The following VASN variants were observed in gnomAD, a reference collection of about 807,000 sequenced individuals.
VASN encodes vasorin.
VASN carries 5 observed loss-of-function variants against 4.8 expected under a neutral mutation model. That is an observed-to-expected ratio of 1.03 (90% CI 0.54 to 2.17). The LOEUF is 2.17. Ranked by LOEUF, VASN falls within the 30% of genes most tolerant of loss-of-function variation. VASN has a pLI of 0.01. For synonymous variants in VASN, 499 were observed against 460.8 expected (o/e 1.08, Z -1.06); for missense variants, 927 against 948.8 (o/e 0.98, Z 0.30).
At position 4,382,438 on chromosome 16, in the gene VASN, A is replaced by G. The variant is rs774906262; in HGVS notation, c.1561A>G (p.Thr521Ala). 2.5e-6 allele frequency: 4 copies of G among 1,610,230 alleles called. No individual in the cohort carries two copies. Among genetic ancestry groups the G allele is most frequent in the East Asian group, 2.2e-5 (1 of 44,808 alleles). ...ACTGCCTGCCTCGCTCGCTGAGTACACGGTCACCCAGCTGCGGCCCAACGC... is the reference window on the plus strand; with the variant it reads ...ACTGCCTGCCTCGCTCGCTGAGTACGCGGTCACCCAGCTGCGGCCCAACGC... Reference protein sequence around the residue: ...LRLPASLAEYTVTQLRPNATY... With the variant: ...LRLPASLAEYAVTQLRPNATY... Residue 521 changes from threonine (T) to alanine (A), a missense_variant, in exon 2 of 2, where the codon ACG becomes GCG. Thr to Ala is a moderately conservative substitution (Grantham distance 58, BLOSUM62 0). Coordinates refer to ENST00000304735, the MANE Select transcript of VASN (RefSeq NM_138440.3).
chr16:4,374,313 C>T (rs998000982), intron 1 of VASN, among the ~76,000 whole-genome samples: 5 of 152,032 alleles, frequency 3.3e-5, no homozygotes, highest in African/African-American at 1.2e-4. Context: ...GCTGGGCCGC[C>T]GGCCTCCCCC....
chr16:4,377,883 C>T (rs1338894963), intron 1 of VASN, among the ~76,000 whole-genome samples: 1 of 152,284 alleles, frequency 6.6e-6, no homozygotes, highest in East Asian at 1.9e-4. Flanking sequence ...AGCCCAGGAC[C>T]CCAGCCCACA....
rs974963282 is a variant in VASN at position 4,382,511 on chromosome 16, A to C, written c.1634A>C (p.Glu545Ala). The change falls in exon 2 of 2, where the codon GAG (glutamate) becomes GCG (alanine). Residue 545 changes from glutamate to alanine, a missense_variant. Physicochemically the swap from Glu to Ala is moderately radical, Grantham distance 107 (BLOSUM62 -1). Coordinates refer to ENST00000304735, the MANE Select transcript of VASN (RefSeq NM_138440.3). ...VMPLGPGRVPEGEEACGEAHT... is the reference protein window; with the variant it reads ...VMPLGPGRVPAGEEACGEAHT... ...CCTTTGGGGCCCGGGCGGGTGCCGG[A>C]GGGCGAGGAGGCCTGCGGGGAGGCC... is the stretch of plus-strand genomic sequence containing the variant. 4 of 1,591,366 alleles carry C rather than the reference A, an allele frequency of 2.5e-6. No homozygotes were observed. The highest frequency in any genetic ancestry group is 3.4e-6 in the Non-Finnish European group (4 of 1,169,118).
At position 4,381,387 on chromosome 16, in the gene VASN, C is replaced by T. The variant is rs1472699697; in HGVS notation, c.510C>T (p.Arg170=). The stretch of plus-strand genomic sequence containing the variant: ...CACTGCCCCCGCTGCGCCTGCCCCG[C>T]CTGCTGCTGCTGGACCTCAGCCACA... The part of the protein sequence containing the change: ...LRALPPLRLP[R]LLLLDLSHNS... The change falls in exon 2 of 2, where the codon CGC becomes CGT. Residue 170 remains arginine, a synonymous_variant. Coordinates refer to ENST00000304735, the MANE Select transcript of VASN (RefSeq NM_138440.3). The T allele has an allele frequency of 2.0e-5, 31 of 1,588,692 alleles. No individual in the cohort carries two copies. Among genetic ancestry groups the T allele is most frequent in the Non-Finnish European group, 2.5e-5 (29 of 1,169,796 alleles).
At chr16:4,378,879 G>A (rs758555524) in intron 1 of VASN, among the ~76,000 whole-genome samples, 3 of 152,056 alleles carry the variant, frequency 2.0e-5, no homozygotes, top group Non-Finnish European at 2.9e-5. Context: ...TCGCTAACTG[G>A]CTAGGGGCTC....
At chr16:4,372,721 G>T (rs2054580455) in intron 1 of VASN, among the ~76,000 whole-genome samples, 1 of 152,294 alleles carries the variant, frequency 6.6e-6, no homozygotes, top group South Asian at 2.1e-4. Context: ...GTGGTCACTG[G>T]CAGGCCAGCC....
intron 1 of VASN, among the ~76,000 whole-genome samples, chr16:4,375,894 G>A (rs1296646618): frequency 1.3e-5 from 2 of 152,320 alleles, no homozygotes; most frequent in East Asian, 1.9e-4. Context: ...AAGCCCTGGC[G>A]TCACAGGTGG....
chr16:4,378,938 C>T (rs1037964639), intron 1 of VASN, among the ~76,000 whole-genome samples: 9 of 152,070 alleles, frequency 5.9e-5, no homozygotes, highest in Admixed American at 2.6e-4. Context: ...CGATACTACA[C>T]GTGGGCAGGG....
Position 4,381,418 on chromosome 16 carries a change from C to G in VASN, c.541C>G (p.Leu181Val). ...GCTGCTGGACCTCAGCCACAACAGC[C>G]TCCTGGCCCTGGAGCCCGGCATCCT... ...LLLLDLSHNS[L>V]LALEPGILDT... is the part of the protein sequence containing the mutation. The change falls in exon 2 of 2, where the codon CTC becomes GTC. Residue 181 changes from leucine to valine, a missense_variant. Physicochemically the swap from Leu to Val is conservative, Grantham distance 32. Coordinates refer to ENST00000304735, the MANE Select transcript of VASN (RefSeq NM_138440.3). 6.3e-7 allele frequency: 1 copy of G among 1,583,696 alleles called. No individual in the cohort carries two copies. The highest frequency in any genetic ancestry group is 8.6e-7 in the Non-Finnish European group (1 of 1,167,024).
At chr16:4,379,456 C>G (rs892624601) in intron 1 of VASN, among the ~76,000 whole-genome samples, 2 of 152,032 alleles carry the variant, frequency 1.3e-5, no homozygotes, top group African/African-American at 2.4e-5. Flanking sequence ...AGCCCCCGCC[C>G]CCAGGGCCAT....
At chr16:4,380,597 G>C (rs1377283756) in intron 1 of VASN, among the ~76,000 whole-genome samples, 1 of 152,248 alleles carries the variant, frequency 6.6e-6, no homozygotes, top group Non-Finnish European at 1.5e-5. Flanking sequence ...GGAGGGCCTG[G>C]GGTTCAGGAG....
In VASN at chr16:4,382,879, C is replaced by A; in HGVS notation, c.2002C>A (p.His668Asn). The stretch of plus-strand genomic sequence containing the variant: ...AGGGCCTGGCCTCCAGTCACCCCTC[C>A]ACGCAAAGCCCTACATCTAAGCCAG... ...FPGPGLQSPL[H>N]AKPYI is the part of the protein sequence containing the mutation. The change falls in exon 2 of 2, where the codon CAC (histidine) becomes AAC (asparagine). Residue 668 changes from histidine to asparagine, a missense_variant. Physicochemically the swap from His to Asn is moderately conservative, Grantham distance 68. Coordinates refer to ENST00000304735, the MANE Select transcript of VASN (RefSeq NM_138440.3). The A allele has an allele frequency of 6.5e-7, 1 of 1,545,088 alleles. No homozygotes were observed. The highest frequency in any genetic ancestry group is 8.7e-7 in the Non-Finnish European group (1 of 1,147,090).
chr16:4,374,065 T>A (rs1480517066), intron 1 of VASN, among the ~76,000 whole-genome samples: 1 of 150,438 alleles, frequency 6.6e-6, no homozygotes, highest in Non-Finnish European at 1.5e-5. Context: ...GCGTGAGTTC[T>A]TGGAGAAGGG....
chr16:4,379,480 A>G (rs1230860892), intron 1 of VASN, among the ~76,000 whole-genome samples: 1 of 151,868 alleles, frequency 6.6e-6, no homozygotes, highest in Non-Finnish European at 1.5e-5. Context: ...GAGGGCACGC[A>G]CCCTTCACAG....
At position 4,381,535 on chromosome 16, in the gene VASN, GA is replaced by G; in HGVS notation, c.659del (p.Asp220AlafsTer15). The G allele has an allele frequency of 6.2e-7, 1 of 1,603,972 alleles. No individual in the cohort carries two copies. Among genetic ancestry groups the G allele is most frequent in the Non-Finnish European group, 8.5e-7 (1 of 1,176,168 alleles). On this transcript the variant is annotated frameshift_variant, in exon 2 of 2. Coordinates refer to ENST00000304735, the MANE Select transcript of VASN (RefSeq NM_138440.3). LOFTEE classifies it low-confidence loss of function (END_TRUNC). ...CTTCAGCCGCTTGCGCAACCTCCAC[GA>G]CCTGGATGTGTCCGACAACCAGCTG... is the stretch of plus-strand genomic sequence containing the variant. ...GLFSRLRNLH[D>X]LDVSDNQLER...
intron 1 of VASN, 146 bp from the exon 2 acceptor site, chr16:4,380,723 G>A (rs937396892): frequency 3.0e-5 from 26 of 855,198 alleles, no homozygotes; most frequent in African/African-American, 1.7e-4. Context: ...AACCTGGGTC[G>A]GGGCACTGGC....
chr16:4,377,628 C>T (rs1039673899), intron 1 of VASN, among the ~76,000 whole-genome samples: 3 of 152,342 alleles, frequency 2.0e-5, no homozygotes, highest in Admixed American at 6.5e-5. Flanking sequence ...GTCCCCTCCA[C>T]AGTCAGCCTT....
At chr16:4,375,169 A>G (rs2054675307) in intron 1 of VASN, among the ~76,000 whole-genome samples, 1 of 152,292 alleles carries the variant, frequency 6.6e-6, no homozygotes, top group Admixed American at 6.5e-5. Flanking sequence ...GGCCTTAGTC[A>G]CTGGTCTCCC....
At position 4,381,581 on chromosome 16, in the gene VASN, T is replaced by C. The variant is rs777549156; in HGVS notation, c.704T>C (p.Ile235Thr). 22 of 1,603,184 alleles carry C rather than the reference T, an allele frequency of 1.4e-5. No homozygotes were observed. The highest frequency in any genetic ancestry group is 1.7e-4 in the Middle Eastern group (1 of 6,056). ...DNQLERVPPV[I>T]RGLRGLTRLR... is the part of the protein sequence containing the mutation. ...CAGCTGGAGCGAGTGCCACCTGTGA[T>C]CCGAGGCCTCCGGGGCCTGACGCGC... The change falls in exon 2 of 2, where the codon ATC (isoleucine) becomes ACC (threonine). Residue 235 changes from isoleucine (I) to threonine (T), a missense_variant. Coordinates refer to ENST00000304735, the MANE Select transcript of VASN (RefSeq NM_138440.3).
Sources: allele counts gnomAD v4.1 joint callset (sites outside exome capture counted in the v4.1 genomes callset), GRCh38; gene constraint gnomAD v4.1.1; transcripts MANE v1.5; gene names NCBI Gene and HGNC (gene_info 2026-07-23, HGNC 2026-07-21).